ZNF385D: variants seen among roughly 807,000 people sequenced by gnomAD.
ZNF385D encodes zinc finger protein 659.
Under a neutral mutation model 35.8 loss-of-function variants are expected in ZNF385D, and 15 were observed. The ratio of observed to expected loss-of-function variants is 0.42; its 90% CI spans 0.28 to 0.64. ZNF385D has a LOEUF of 0.64. Among genes scored for constraint, ZNF385D ranks in the 30% least tolerant of loss-of-function variants. ZNF385D has a pLI of 0.23. For missense variants in ZNF385D, 474 were observed against 494.6 expected, an observed-to-expected ratio of 0.96 and a Z score of 0.39; for synonymous variants, 212 against 186.8, an observed-to-expected ratio of 1.13 and a Z score of -1.10.
intron 3 of ZNF385D, among the ~76,000 whole-genome samples, chr3:21,514,576 G>A (rs965629628): frequency 9.9e-5 from 15 of 152,034 alleles, no homozygotes; most frequent in African/African-American, 1.4e-4. Context: ...CACAGCAACT[G>A]GACTTAAGTC....
At chr3:21,663,202 T>C (rs538944226) in intron 2 of ZNF385D, among the ~76,000 whole-genome samples, 3 of 152,236 alleles carry the variant, frequency 2.0e-5, no homozygotes, top group Admixed American at 6.5e-5. Context: ...GATGAGGAAA[T>C]AGCAGCAAAG....
At chr3:21,594,695 T>G (rs2064081266) in intron 2 of ZNF385D, among the ~76,000 whole-genome samples, 1 of 152,194 alleles carries the variant, frequency 6.6e-6, no homozygotes, top group Non-Finnish European at 1.5e-5. Flanking sequence ...TCCTAAATTT[T>G]AAATTGCCCT....
Position 21,531,179 on chromosome 3 carries a change from A to T in ZNF385D, c.277-20156T>A, listed in dbSNP as rs539834604. On this transcript the variant is annotated intron_variant, in intron 3 of 7. Transcript: ENST00000281523. The stretch of plus-strand genomic sequence containing the variant: ...CTACACTGTTGCTTAATGCTTTTTT[A>T]AAAAAAGGCAAATTAAAACAATGAG... Among the ~76,000 whole-genome samples, 53 of 152,204 alleles carry T rather than the reference A, an allele frequency of 3.5e-4. 1 individual carries two copies. In the South Asian group the frequency reaches 8.1e-3, roughly 23 times the overall value.
intron 3 of ZNF385D, among the ~76,000 whole-genome samples, chr3:21,850,458 C>T (rs1696313003): frequency 6.6e-6 from 1 of 152,046 alleles, no homozygotes. Context: ...CAGAGATTGA[C>T]ATGAAGTAGC....
intron 2 of ZNF385D, among the ~76,000 whole-genome samples, chr3:22,351,932 T>C (rs962522124): frequency 2.0e-5 from 3 of 152,204 alleles, no homozygotes; most frequent in Non-Finnish European, 4.4e-5. Flanking sequence ...ACTGCTTGTG[T>C]ACTTACTCAT....
intron 3 of ZNF385D, among the ~76,000 whole-genome samples, chr3:21,767,536 A>G (rs957211409): frequency 5.3e-5 from 8 of 152,054 alleles, no homozygotes; most frequent in Non-Finnish European, 1.0e-4. Context: ...AAGACTCCTG[A>G]AGACAGAGCC....
intron 3 of ZNF385D, among the ~76,000 whole-genome samples, chr3:21,799,399 C>T (rs2072297888): frequency 6.6e-6 from 1 of 152,164 alleles, no homozygotes; most frequent in Non-Finnish European, 1.5e-5. Flanking sequence ...TGTAAGCGTT[C>T]CAGTTTCTCT....
chr3:22,162,185 A>G (rs1288900817), intron 3 of ZNF385D, among the ~76,000 whole-genome samples: 1 of 152,166 alleles, frequency 6.6e-6, no homozygotes, highest in Non-Finnish European at 1.5e-5. Context: ...TTGCACAATA[A>G]AACACATTGT....
At chr3:21,669,188 C>G (rs1332846633) in intron 1 of ZNF385D, among the ~76,000 whole-genome samples, 1 of 152,164 alleles carries the variant, frequency 6.6e-6, no homozygotes, top group Non-Finnish European at 1.5e-5. Flanking sequence ...GTTACTATCT[C>G]TACACCAAAA....
chr3:21,581,793 A>T (rs1293120820), intron 2 of ZNF385D, among the ~76,000 whole-genome samples: 3 of 152,206 alleles, frequency 2.0e-5, no homozygotes, highest in Non-Finnish European at 4.4e-5. Flanking sequence ...TATTTTAGCT[A>T]TTCTCAACCC....
At chr3:22,354,487 C>A (rs944400501) in intron 2 of ZNF385D, among the ~76,000 whole-genome samples, 1 of 151,698 alleles carries the variant, frequency 6.6e-6, no homozygotes, top group East Asian at 1.9e-4. Flanking sequence ...CAAAATATGA[C>A]AGAAATCTTG....
intron 4 of ZNF385D, among the ~76,000 whole-genome samples, chr3:21,479,180 G>A (rs767669480): frequency 6.6e-6 from 1 of 151,360 alleles, no homozygotes; most frequent in Non-Finnish European, 1.5e-5. Flanking sequence ...AGCTTTAGAG[G>A]AGTCTAGAGC....
chr3:21,496,585 T>TAC (rs78179938), intron 4 of ZNF385D, among the ~76,000 whole-genome samples: 22 of 146,760 alleles, frequency 1.5e-4, no homozygotes, highest in East Asian at 7.9e-4. Flanking sequence ...CATATATATA[T>TAC]ACACACATAT....
rs10576851 is a variant in ZNF385D, at chr3:22,245,478, C to CAAA, written c.107-76446_107-76444dup. Among the ~76,000 whole-genome samples, 45 of 124,362 alleles carry CAAA rather than the reference C, an allele frequency of 3.6e-4. No homozygotes were observed. In the East Asian group the frequency reaches 3.9e-3, roughly 11 times the overall value. The allele number at this position is 124,362 out of a possible 152,430, so 81.6% of individuals were successfully genotyped here. ...ATGACTTCTCAAAGACAGGATAAGC[C>CAAA]AAAAAAAAAAAAAAAAAATACAAAC... On this transcript the variant is annotated intron_variant, in intron 2 of 5. Transcript: ENST00000494108.
intron 1 of ZNF385D, among the ~76,000 whole-genome samples, chr3:21,681,677 C>T: frequency 8.2e-6 from 1 of 121,936 alleles, no homozygotes. Context: ...AGAATCCAGA[C>T]TAAGAATGAT....
intron 2 of ZNF385D, among the ~76,000 whole-genome samples, chr3:22,247,008 T>A (rs1388922287): frequency 6.6e-6 from 1 of 152,154 alleles, no homozygotes; most frequent in Non-Finnish European, 1.5e-5. Context: ...ATTCACCATA[T>A]ACACAAACAA....
chr3:21,925,808 G>C (rs1476290123), intron 3 of ZNF385D, among the ~76,000 whole-genome samples: 1 of 151,896 alleles, frequency 6.6e-6, no homozygotes, highest in Non-Finnish European at 1.5e-5. Context: ...AATCCAATTA[G>C]AAATAGGCAA....
intron 2 of ZNF385D, among the ~76,000 whole-genome samples, chr3:22,248,308 C>T (rs1368629584): frequency 6.6e-6 from 1 of 152,294 alleles, no homozygotes; most frequent in East Asian, 1.9e-4. Flanking sequence ...AAATTTTATT[C>T]AAGCTTGATG....
At chr3:22,349,276 A>G (rs948392715) in intron 2 of ZNF385D, among the ~76,000 whole-genome samples, 17 of 152,180 alleles carry the variant, frequency 1.1e-4, no homozygotes, top group African/African-American at 3.9e-4. Context: ...AAGAATCTCA[A>G]GTTGAACCTA....
Sources: gnomAD v4.1 joint callset for allele counts (sites outside exome capture counted in the v4.1 genomes callset) on GRCh38, gnomAD v4.1.1 for gene constraint, MANE v1.5 for transcripts, NCBI Gene and HGNC (gene_info 2026-07-23, HGNC 2026-07-21) for gene names.